Variants in RFTN1 observed in about 807,000 individuals in gnomAD.
The protein encoded by RFTN1 is raftlin, lipid raft linker 1.
A neutral mutation model predicts 46.5 loss-of-function variants in RFTN1; 26 were observed. The observed-to-expected ratio is 0.56, with a 90% CI of 0.41 to 0.78. The LOEUF (loss-of-function observed/expected upper bound fraction) is 0.78. RFTN1 is among the 30% of genes least tolerant of loss of function. The probability of loss-of-function intolerance (pLI) is 0.00; values close to 1 mark genes in which losing one functional copy is unlikely to be tolerated. For missense variants in RFTN1, 693 were observed against 718.7 expected, an observed-to-expected ratio of 0.96 and a Z score of 0.41; for synonymous variants, 261 against 284.2, an observed-to-expected ratio of 0.92 and a Z score of 0.82.
In RFTN1 at chr3:16,385,707, C is replaced by G. The variant is rs2074148865; in HGVS notation, c.442-7605G>C. Among the ~76,000 whole-genome samples, 1 of 152,260 alleles carries G rather than the reference C, an allele frequency of 6.6e-6. No homozygotes were observed. The highest frequency in any genetic ancestry group is 1.9e-4 in the East Asian group (1 of 5,178). Reference sequence around the variant, plus strand: ...TGTCATAGTAGATGCATGCCCTGACCAGGAGGGCACAGTCAAAGAGTCAAC... The same window carrying G: ...TGTCATAGTAGATGCATGCCCTGACGAGGAGGGCACAGTCAAAGAGTCAAC... On this transcript the variant is annotated intron_variant, in intron 4 of 9. Coordinates refer to ENST00000334133, the MANE Select transcript of RFTN1 (RefSeq NM_015150.2). This position sits in a 1 kb window ranked among gnomAD's most constrained non-coding sequence, Gnocchi z 5.0.
At chr3:16,491,359 A>G (rs974316806) in intron 2 of RFTN1, among the ~76,000 whole-genome samples, 1 of 152,076 alleles carries the variant, frequency 6.6e-6, no homozygotes, top group Non-Finnish European at 1.5e-5. Flanking sequence ...GGTCAAGGAG[A>G]GCTATGTCAC....
At chr3:16,464,599 T>C (rs2076060018) in intron 2 of RFTN1, among the ~76,000 whole-genome samples, 1 of 152,082 alleles carries the variant, frequency 6.6e-6, no homozygotes, top group Non-Finnish European at 1.5e-5. Context: ...GCAGTATTTT[T>C]TACTCTGATA....
chr3:16,386,502 T>G (rs935636134), intron 4 of RFTN1, among the ~76,000 whole-genome samples: 1 of 152,194 alleles, frequency 6.6e-6, no homozygotes, highest in African/African-American at 2.4e-5. Context: ...GCAAGTAGGA[T>G]TCAAACCTAG....
intron 1 of RFTN1, among the ~76,000 whole-genome samples, chr3:16,508,450 C>T (rs1326882682): frequency 6.6e-6 from 1 of 152,062 alleles, no homozygotes; most frequent in East Asian, 1.9e-4. Context: ...TGAATTCAGC[C>T]CAGGTAGGGA....
chr3:16,449,870 T>C lies in RFTN1; in HGVS notation c.146-15833A>G, dbSNP rs1056286341. 6.6e-6 allele frequency among the ~76,000 whole-genome samples: 1 copy of C among 152,116 alleles called. No individual in the cohort carries two copies. The highest frequency in any genetic ancestry group is 2.4e-5 in the African/African-American group (1 of 41,398). ...TGTGAGGAGGAAGGGGCAGGGCGTG[T>C]CTGCAATGGAACTGCAGAAGCCTAG... On this transcript the variant is annotated intron_variant, in intron 2 of 9. Coordinates refer to ENST00000334133, the MANE Select transcript of RFTN1 (RefSeq NM_015150.2). The surrounding 1 kb of genome is among the most constrained non-coding windows in gnomAD (Gnocchi z 5.1).
chr3:16,403,814 T>A (rs868366103), intron 4 of RFTN1, among the ~76,000 whole-genome samples: 2 of 13,922 alleles, frequency 1.4e-4, no homozygotes, highest in African/African-American at 1.0e-3. Flanking sequence ...ATTATATATT[T>A]TATATTATAT....
rs2072562370 is a variant in RFTN1 at position 16,358,047 on chromosome 3, T to A, written c.1031A>T (p.Asp344Val). Residue 344 changes from aspartate (D) to valine (V), a missense_variant and splice_region_variant, in exon 7 of 10, where the codon GAT becomes GTT. Asp to Val is a radical substitution (Grantham distance 152). Coordinates refer to ENST00000334133, the MANE Select transcript of RFTN1 (RefSeq NM_015150.2). ...TCCATCTGTCAAGCCATGTAAGGAA[T>A]CTGTGGAAAAAGAAAAAGGCGGGGG... Reference protein sequence around the residue: ...NAVFYLGIVNDSLHGLTDGVF... With the variant: ...NAVFYLGIVNVSLHGLTDGVF... 7.2e-7 allele frequency: 1 copy of A among 1,398,222 alleles called. No individual in the cohort carries two copies. The highest frequency in any genetic ancestry group is 9.7e-7 in the Non-Finnish European group (1 of 1,027,758). 86.6% of individuals were successfully genotyped at this position (1,398,222 alleles called of 1,614,324 possible). A position where few individuals can be genotyped will look rare whatever the true frequency, so the allele number is the denominator to read the frequency against.
rs1455736953 is a variant in RFTN1, at chr3:16,380,167, G to A, written c.442-2065C>T. Among the ~76,000 whole-genome samples, 12 of 152,190 alleles carry A rather than the reference G, an allele frequency of 7.9e-5. No homozygotes were observed. The highest frequency in any genetic ancestry group is 1.5e-5 in the Non-Finnish European group (1 of 68,032). ...AGGCCTGATGTGGAGCCCCAGATAC[G>A]TGACTCACCATCTTGAGGAACCAGA... On this transcript the variant is annotated intron_variant, in intron 4 of 9. Transcript: ENST00000334133. The surrounding 1 kb of genome is among the most constrained non-coding windows in gnomAD (Gnocchi z 4.8).
intron 3 of RFTN1, among the ~76,000 whole-genome samples, chr3:16,415,217 G>A (rs1281116504): frequency 3.3e-5 from 5 of 151,924 alleles, no homozygotes; most frequent in African/African-American, 9.7e-5. Context: ...GTGGAAGGAG[G>A]AAAGCAGATG....
At chr3:16,497,302 A>T (rs2076640805) in intron 1 of RFTN1, among the ~76,000 whole-genome samples, 1 of 152,276 alleles carries the variant, frequency 6.6e-6, no homozygotes, top group Non-Finnish European at 1.5e-5. Flanking sequence ...TAAAGGCAAA[A>T]CACAAAATCA....
intron 2 of RFTN1, among the ~76,000 whole-genome samples, chr3:16,491,754 A>G (rs1416469541): frequency 6.8e-6 from 1 of 146,224 alleles, no homozygotes; most frequent in Non-Finnish European, 1.5e-5. Context: ...TGCAAAAAAC[A>G]AACAAACAAA....
At chr3:16,412,380 G>A (rs2074995603) in intron 3 of RFTN1, among the ~76,000 whole-genome samples, 1 of 152,242 alleles carries the variant, frequency 6.6e-6, no homozygotes, top group Non-Finnish European at 1.5e-5. Flanking sequence ...CTGTGATGGT[G>A]CAGCTATGGC....
Position 16,383,749 on chromosome 3 carries a change from G to A in RFTN1, c.442-5647C>T, listed in dbSNP as rs1161660449. Among the ~76,000 whole-genome samples the A allele has an allele frequency of 6.6e-6, 1 of 152,216 alleles. No homozygotes were observed. The highest frequency in any genetic ancestry group is 1.5e-5 in the Non-Finnish European group (1 of 68,038). On this transcript the variant is annotated intron_variant, in intron 4 of 9. Transcript: ENST00000334133. This position sits in a 1 kb window ranked among gnomAD's most constrained non-coding sequence, Gnocchi z 4.0. ...GACACAGGTTGGATTTCATAAAAAT[G>A]AAGGCTATATGGAACATAGGAAAAG...
At chr3:16,397,595 AC>A (rs1267110014) in intron 4 of RFTN1, among the ~76,000 whole-genome samples, 2 of 152,254 alleles carry the variant, frequency 1.3e-5, no homozygotes, top group Non-Finnish European at 2.9e-5. Context: ...TTAAATATGT[AC>A]AATAAAAATA....
rs2124921537 is a variant in RFTN1 at position 16,457,591 on chromosome 3, G to A, written c.146-23554C>T. The stretch of plus-strand genomic sequence containing the variant: ...CCTCAAATACCACTTATTTAGTTCT[G>A]TAAATTTTAAGTAATAAAATTTTAG... On this transcript the variant is annotated intron_variant, in intron 2 of 9. Transcript: ENST00000334133. This position sits in a 1 kb window ranked among gnomAD's most constrained non-coding sequence, Gnocchi z 4.2. 6.6e-6 allele frequency among the ~76,000 whole-genome samples: 1 copy of A among 152,212 alleles called. No individual in the cohort carries two copies. Among genetic ancestry groups the A allele is most frequent in the African/African-American group, 2.4e-5 (1 of 41,538 alleles).
chr3:16,432,167 G>A (rs1387332550), intron 3 of RFTN1, among the ~76,000 whole-genome samples: 2 of 152,126 alleles, frequency 1.3e-5, no homozygotes, highest in African/African-American at 4.8e-5. Flanking sequence ...AACCACTGTG[G>A]CCCCCAATCT....
At chr3:16,470,867 CA>C (rs2124947958) in intron 2 of RFTN1, among the ~76,000 whole-genome samples, 1 of 152,276 alleles carries the variant, frequency 6.6e-6, no homozygotes, top group South Asian at 2.1e-4. Flanking sequence ...AAATGGCAAT[CA>C]ATGAAGACCA....
chr3:16,412,096 C>A (rs543771178), intron 3 of RFTN1, among the ~76,000 whole-genome samples: 4 of 152,222 alleles, frequency 2.6e-5, no homozygotes, highest in Non-Finnish European at 5.9e-5. Flanking sequence ...CTGAAAGGGG[C>A]ACAAAAGATC....
intron 7 of RFTN1, among the ~76,000 whole-genome samples, chr3:16,354,314 G>A (rs2072286889): frequency 6.6e-6 from 1 of 152,196 alleles, no homozygotes; most frequent in African/African-American, 2.4e-5. Flanking sequence ...TCCACCAGCT[G>A]CAAAGAGGAA....
Sources: gnomAD v4.1 joint callset for allele counts (sites outside exome capture counted in the v4.1 genomes callset) on GRCh38, gnomAD v4.1.1 for gene constraint, Gnocchi (gnomAD v3.1) non-coding constraint, MANE v1.5 for transcripts, NCBI Gene and HGNC (gene_info 2026-07-23, HGNC 2026-07-21) for gene names.